The following NT5DC2 variants were observed in gnomAD, a reference collection of about 807,000 sequenced individuals.
The protein encoded by NT5DC2 is 5'-nucleotidase domain-containing protein 2.
A neutral mutation model predicts 70.0 loss-of-function variants in NT5DC2; 41 were observed. The observed-to-expected ratio is 0.59, with a 90% CI of 0.46 to 0.76. The LOEUF (loss-of-function observed/expected upper bound fraction) is 0.76. NT5DC2 is among the 30% of genes least tolerant of loss of function. The probability of loss-of-function intolerance (pLI) is 0.00; values close to 1 mark genes in which losing one functional copy is unlikely to be tolerated. For missense variants in NT5DC2, 705 were observed against 783.2 expected (o/e 0.90, Z 1.19); for synonymous variants, 299 against 310.4 (o/e 0.96, Z 0.39).
chr3:52,525,306 G>A lies in NT5DC2; in HGVS notation c.1120-11C>T. On this transcript the variant is annotated splice_polypyrimidine_tract_variant and intron_variant, in intron 10 of 13. Coordinates refer to ENST00000422318, the MANE Select transcript of NT5DC2 (RefSeq NM_001134231.2). ...GTCAAACAGGTTTCCCTAGGGAGAGGAGGGGAATGCTGCTGAGCCAAGTGT... is the reference window on the plus strand; with the variant it reads ...GTCAAACAGGTTTCCCTAGGGAGAGAAGGGGAATGCTGCTGAGCCAAGTGT... 1 of 1,608,402 alleles carries A rather than the reference G, an allele frequency of 6.2e-7. No individual in the cohort carries two copies. The highest frequency in any genetic ancestry group is 1.3e-5 in the African/African-American group (1 of 74,968).
At position 52,529,037 on chromosome 3, in the gene NT5DC2, T is replaced by C; in HGVS notation, c.418-102A>G. 6.3e-7 allele frequency: 1 copy of C among 1,586,750 alleles called. No individual in the cohort carries two copies. Among genetic ancestry groups the C allele is most frequent in the Non-Finnish European group, 8.6e-7 (1 of 1,157,052 alleles). On this transcript the variant is annotated intron_variant, in intron 2 of 13. Coordinates refer to ENST00000422318, the MANE Select transcript of NT5DC2 (RefSeq NM_001134231.2). The surrounding 1 kb of genome is among the most constrained non-coding windows in gnomAD (Gnocchi z 4.1). ...AATCCAGCCACCTGCCCAGGGCAGCTGCCAGGCAAGAGGGCCAGGGGAGCC... is the reference window on the plus strand; with the variant it reads ...AATCCAGCCACCTGCCCAGGGCAGCCGCCAGGCAAGAGGGCCAGGGGAGCC...
upstream of NT5DC2, chr3:52,534,568 T>C: frequency 6.2e-7 from 1 of 1,613,328 alleles, no homozygotes; most frequent in Non-Finnish European, 8.5e-7. Context: ...ACGCCCCTCG[T>C]GAGATGCTGT....
rs148169309 is a variant in NT5DC2, at chr3:52,528,068, G to A, written c.777C>T (p.Ala259=). ...QAHLYKDVTD[A]IRDVHVKGLM... is the part of the protein sequence containing the mutation. ...GGCCCTTCACATGCACGTCTCGGAT[G>A]GCGTCCTGGGGGCAGTGGAGGACAA... Residue 259 remains alanine (A), a synonymous_variant, in exon 7 of 14, where the codon GCC becomes GCT. Transcript: ENST00000422318. 1.1e-3 allele frequency: 1,719 copies of A among 1,612,546 alleles called. 1 individual carries two copies. Among genetic ancestry groups the A allele is most frequent in the Non-Finnish European group, 1.3e-3 (1,583 of 1,179,696 alleles).
intron 1 of NT5DC2, among the ~76,000 whole-genome samples, chr3:52,530,796 T>C (rs2079349716): frequency 6.6e-6 from 1 of 152,202 alleles, no homozygotes; most frequent in South Asian, 2.1e-4. Context: ...CACCTGCACA[T>C]ATGCAGGATT....
intron 1 of NT5DC2, among the ~76,000 whole-genome samples, chr3:52,532,874 G>C (rs1201041988): frequency 6.6e-6 from 1 of 152,086 alleles, no homozygotes; most frequent in Non-Finnish European, 1.5e-5. Flanking sequence ...TCCAAGAAGG[G>C]GCCTCAGCCT....
Position 52,524,456 on chromosome 3 carries a change from C to A in NT5DC2, c.*14G>T, listed in dbSNP as rs1559732394. 1.2e-6 allele frequency: 2 copies of A among 1,612,670 alleles called. No individual in the cohort carries two copies. The highest frequency in any genetic ancestry group is 1.6e-4 in the Middle Eastern group (1 of 6,062). On this transcript the variant is annotated 3_prime_UTR_variant, in exon 14 of 14. Transcript: ENST00000422318. ...GGAGGGGCTGAGGGCCTGTCCCAGA[C>A]AATAAAGGTGCCCTCAGCGGATGTG...
Position 52,529,129 on chromosome 3 carries a change from T to C in NT5DC2, c.417+21A>G, listed in dbSNP as rs747805730. The C allele has an allele frequency of 6.8e-6, 11 of 1,613,406 alleles. No individual in the cohort carries two copies. The highest frequency in any genetic ancestry group is 9.3e-6 in the Non-Finnish European group (11 of 1,179,664). On this transcript the variant is annotated intron_variant, in intron 2 of 13. Coordinates refer to ENST00000422318, the MANE Select transcript of NT5DC2 (RefSeq NM_001134231.2). The surrounding 1 kb of genome is among the most constrained non-coding windows in gnomAD (Gnocchi z 4.1). ...AGCCTCCAAGCCCTGGGTTTGTTGG[T>C]GGCAAGGACCCCCGTCTCACCTTGT...
At position 52,529,429 on chromosome 3, in the gene NT5DC2, G is replaced by A; in HGVS notation, c.233-95C>T. 8.1e-7 allele frequency: 1 copy of A among 1,232,982 alleles called. No individual in the cohort carries two copies. The highest frequency in any genetic ancestry group is 1.1e-6 in the Non-Finnish European group (1 of 872,830). The allele number at this position is 1,232,982 out of a possible 1,614,324, so 76.4% of individuals were successfully genotyped here. A position where few individuals can be genotyped will look rare whatever the true frequency, so the allele number is the denominator to read the frequency against. On this transcript the variant is annotated intron_variant, in intron 1 of 13. Coordinates refer to ENST00000422318, the MANE Select transcript of NT5DC2 (RefSeq NM_001134231.2). The surrounding 1 kb of genome is among the most constrained non-coding windows in gnomAD (Gnocchi z 4.1). ...ACTCTGTGGGGACCTAGCCCTGTGA[G>A]CCTCAGAAACGCCCCACAATGGCAC...
Position 52,529,045 on chromosome 3 carries a change from AAGAGGGCCAGGGG to A in NT5DC2, c.417+92_417+104del. On this transcript the variant is annotated intron_variant, in intron 2 of 13. Coordinates refer to ENST00000422318, the MANE Select transcript of NT5DC2 (RefSeq NM_001134231.2). This position sits in a 1 kb window ranked among gnomAD's most constrained non-coding sequence, Gnocchi z 4.1. ...CACCTGCCCAGGGCAGCTGCCAGGC[AAGAGGGCCAGGGG>A]AGCCCCACGACTCAGCCCTGAGCTT... The A allele has an allele frequency of 6.3e-7, 1 of 1,588,212 alleles. No individual in the cohort carries two copies. The highest frequency in any genetic ancestry group is 1.7e-5 in the Admixed American group (1 of 59,162).
In NT5DC2 at chr3:52,528,416, G is replaced by A. The variant is rs75694289; in HGVS notation, c.642+30C>T. The A allele has an allele frequency of 7.6e-3, 12,299 of 1,613,186 alleles. 756 individuals are homozygous for A. The African/African-American group carries it at 0.13, about 18-fold the overall frequency. The stretch of plus-strand genomic sequence containing the variant: ...CTTGGGACATGGGCACATGTCCATG[G>A]GGCAGGCTGGCTGCTGGGGTATGGA... On this transcript the variant is annotated intron_variant, in intron 5 of 13. Transcript: ENST00000422318.
At chr3:52,534,676 C>T (rs1197977987), upstream of NT5DC2, 1 of 1,595,912 alleles carries the variant, frequency 6.3e-7, no homozygotes, top group Non-Finnish European at 8.6e-7. Context: ...GATCCGTATT[C>T]CGAGCCCGCA....
chr3:52,533,834 T>C lies in NT5DC2; in HGVS notation c.-97A>G, dbSNP rs1479675272. On this transcript the variant is annotated 5_prime_UTR_variant, in exon 1 of 14. Transcript: ENST00000422318. ...CTGCGCGCCCGCCACGGTGGCCTCG[T>C]GCTCCTCACGGCGGCCGGCCAATGG... 1.0e-6 allele frequency: 1 copy of C among 979,916 alleles called. No individual in the cohort carries two copies. Among genetic ancestry groups the C allele is most frequent in the East Asian group, 1.2e-4 (1 of 8,630 alleles). The allele number at this position is 979,916 out of a possible 1,614,324, so 60.7% of individuals were successfully genotyped here. A position where few individuals can be genotyped will look rare whatever the true frequency, so the allele number is the denominator to read the frequency against.
chr3:52,533,389 G>T, intron 1 of NT5DC2, 117 bp downstream of exon 1: 1 of 1,143,180 alleles, frequency 8.7e-7, no homozygotes, highest in South Asian at 1.5e-5. Context: ...CTTGCGCTCC[G>T]GGGCCCTGGC....
In NT5DC2 at chr3:52,533,601, A is replaced by G. The variant is rs66782572; in HGVS notation, c.137T>C (p.Val46Ala). ...TGCCTGGGCGGGCGCGGAGCGCGGG[A>G]CGCCGGGGCAGTGGGCGCCGGGACC... ...PPGPGAHCPGVPRSAPAQAPT... is the reference protein window; with the variant it reads ...PPGPGAHCPGAPRSAPAQAPT... The change falls in exon 1 of 14, where the codon GTC becomes GCC. Residue 46 changes from valine (V) to alanine (A), a missense_variant. Val to Ala is a moderately conservative substitution (Grantham distance 64). Coordinates refer to ENST00000422318, the MANE Select transcript of NT5DC2 (RefSeq NM_001134231.2). The G allele has an allele frequency of 0.52, 658,278 of 1,258,318 alleles. 174,097 individuals carry two copies. The highest frequency in any genetic ancestry group is 0.59 in the Admixed American group (13,785 of 23,236). 77.9% of individuals were successfully genotyped at this position (1,258,318 alleles called of 1,614,324 possible). A position where few individuals can be genotyped will look rare whatever the true frequency, so the allele number is the denominator to read the frequency against.
Position 52,527,388 on chromosome 3 carries a change from T to C in NT5DC2, c.1038-13A>G. 6.2e-7 allele frequency: 1 copy of C among 1,613,594 alleles called. No individual in the cohort carries two copies. Among genetic ancestry groups the C allele is most frequent in the Non-Finnish European group, 8.5e-7 (1 of 1,179,696 alleles). ...TTTTCTGAAAGGCCTGGGGTGCAGG[T>C]AAAGGGCATGACTTCCAGTCTGTGG... On this transcript the variant is annotated splice_polypyrimidine_tract_variant and intron_variant, in intron 9 of 13. Transcript: ENST00000422318.
At position 52,531,679 on chromosome 3, in the gene NT5DC2, G is replaced by T. The variant is rs139337346; in HGVS notation, c.232+1827C>A. Among the ~76,000 whole-genome samples, 1 of 128,118 alleles carries T rather than the reference G, an allele frequency of 7.8e-6. No homozygotes were observed. The highest frequency in any genetic ancestry group is 1.7e-5 in the Non-Finnish European group (1 of 60,550). The allele number at this position is 128,118 out of a possible 152,430, so 84.1% of individuals were successfully genotyped here. On this transcript the variant is annotated intron_variant, in intron 1 of 13. Coordinates refer to ENST00000422318, the MANE Select transcript of NT5DC2 (RefSeq NM_001134231.2). This position sits in a 1 kb window ranked among gnomAD's most constrained non-coding sequence, Gnocchi z 4.1. ...CTTCCATAGGTGGTGTGGGTGGGGG[G>T]TGGGGGTGGGGCAGCTGAGGGTGTG... is the stretch of plus-strand genomic sequence containing the variant.
At chr3:52,527,433 AC>A in intron 9 of NT5DC2, 58 bp from the exon 10 acceptor site, 1 of 1,576,034 alleles carries the variant, frequency 6.3e-7, no homozygotes, top group Non-Finnish European at 8.7e-7. Context: ...GGGCCGGGCA[AC>A]CCCCATCCCT....
chr3:52,533,444 C>G, intron 1 of NT5DC2, 62 bp downstream of exon 1: 1 of 1,446,636 alleles, frequency 6.9e-7, no homozygotes, highest in South Asian at 1.3e-5. Flanking sequence ...CCCTGGGGCT[C>G]GGTCCGTCCA....
At chr3:52,527,970 A>C in intron 7 of NT5DC2, 39 bp from the exon 8 acceptor site, 2 of 1,613,246 alleles carry the variant, frequency 1.2e-6, no homozygotes, top group Non-Finnish European at 1.7e-6. Context: ...CAGTCCTGCC[A>C]CCTGCTCAGG....
Sources: allele counts gnomAD v4.1 joint callset (sites outside exome capture counted in the v4.1 genomes callset), GRCh38; gene constraint gnomAD v4.1.1; non-coding constraint Gnocchi (gnomAD v3.1); transcripts MANE v1.5; gene names NCBI Gene and HGNC (gene_info 2026-07-23, HGNC 2026-07-21).